The following MORC1 variants were observed in gnomAD, a reference collection of about 807,000 sequenced individuals.
MORC1 encodes the protein MORC family CW-type zinc finger protein 1.
A neutral mutation model predicts 134.9 loss-of-function variants in MORC1; 59 were observed. The observed-to-expected ratio is 0.44, with a 90% CI of 0.35 to 0.54. The LOEUF is 0.54. MORC1 is among the 20% of genes least tolerant of loss of function. The pLI, the probability that MORC1 is intolerant of heterozygous loss-of-function variation, is 0.00. For missense variants in MORC1, 947 were observed against 1,134.5 expected (o/e 0.83, Z 2.37); for synonymous variants, 395 against 391.7 (o/e 1.01, Z -0.10).
intron 8 of MORC1, among the ~76,000 whole-genome samples, chr3:109,086,829 G>A (rs1325528427): frequency 6.6e-6 from 1 of 151,996 alleles, no homozygotes; most frequent in Non-Finnish European, 1.5e-5. Flanking sequence ...AAATCTGGAT[G>A]AAAGATACAT....
intron 26 of MORC1, among the ~76,000 whole-genome samples, chr3:108,967,946 G>A (rs148951248): frequency 2.6e-5 from 4 of 152,132 alleles, no homozygotes; most frequent in African/African-American, 9.7e-5. Flanking sequence ...CATGACACTG[G>A]GATATTATCT....
intron 17 of MORC1, among the ~76,000 whole-genome samples, chr3:109,015,827 C>T (rs1948804450): frequency 6.6e-6 from 1 of 152,094 alleles, no homozygotes; most frequent in Non-Finnish European, 1.5e-5. Context: ...TCCATCTTTG[C>T]AGAAATTCCA....
intron 27 of MORC1, among the ~76,000 whole-genome samples, chr3:108,961,535 C>T (rs1253827641): frequency 6.6e-6 from 1 of 152,184 alleles, no homozygotes; most frequent in Non-Finnish European, 1.5e-5. Context: ...TCTCTATCTG[C>T]TCTGGGTCCC....
chr3:109,036,738 T>A (rs918868740), intron 14 of MORC1, among the ~76,000 whole-genome samples: 1 of 152,154 alleles, frequency 6.6e-6, no homozygotes, highest in Non-Finnish European at 1.5e-5. Context: ...TCTTCACAGT[T>A]GGGCTGGGCT....
chr3:108,998,713 T>A (rs532542659), intron 21 of MORC1, among the ~76,000 whole-genome samples: 74 of 152,288 alleles, frequency 4.9e-4, no homozygotes, highest in African/African-American at 1.7e-3. Context: ...CTTGAATTAT[T>A]GCAACTACAG....
chr3:109,114,163 AAC>A (rs1464013212), intron 2 of MORC1, among the ~76,000 whole-genome samples: 1 of 152,252 alleles, frequency 6.6e-6, no homozygotes, highest in Non-Finnish European at 1.5e-5. Context: ...TTAACATAAA[AAC>A]AGACTTCAAG....
chr3:109,022,859 C>T (rs2107584705), intron 17 of MORC1, among the ~76,000 whole-genome samples: 1 of 152,256 alleles, frequency 6.6e-6, no homozygotes, highest in Non-Finnish European at 1.5e-5. Context: ...GAGAAATAGT[C>T]CTTTATTTCA....
At chr3:109,040,874 C>CAAGAA (rs1484752145) in intron 14 of MORC1, among the ~76,000 whole-genome samples, 1 of 141,952 alleles carries the variant, frequency 7.0e-6, no homozygotes, top group African/African-American at 2.7e-5. Context: ...GTGAAAAAGT[C>CAAGAA]AAGAAAATGA....
At chr3:109,067,881 A>C (rs189624981) in intron 9 of MORC1, among the ~76,000 whole-genome samples, 39 of 152,310 alleles carry the variant, frequency 2.6e-4, no homozygotes, top group Admixed American at 5.9e-4. Context: ...TATGAGTGAT[A>C]GCAAGGCCCT....
At chr3:109,094,769 G>T in intron 7 of MORC1, 140 bp downstream of exon 7, 1 of 774,984 alleles carries the variant, frequency 1.3e-6, no homozygotes, top group Non-Finnish European at 1.9e-6. Context: ...AGCTCATATG[G>T]ATAAAATAAA....
At position 108,984,701 on chromosome 3, in the gene MORC1, C is replaced by T. The variant is rs2593959; in HGVS notation, c.2324+15G>A. The T allele has an allele frequency of 0.41, 638,095 of 1,563,432 alleles. 135,173 individuals are homozygous for T. Among genetic ancestry groups the T allele is most frequent in the Middle Eastern group, 0.56 (3,307 of 5,918 alleles). On this transcript the variant is annotated intron_variant, in intron 23 of 27. Coordinates refer to ENST00000232603, the MANE Select transcript of MORC1 (RefSeq NM_014429.4). ...TTGCACTCACTTGGAATTTGTATAA[C>T]TGTAGTACACTCACCTTTTCCAGCT...
At chr3:108,961,539 G>A (rs1465309196) in intron 27 of MORC1, among the ~76,000 whole-genome samples, 2 of 152,106 alleles carry the variant, frequency 1.3e-5, no homozygotes, top group Admixed American at 6.5e-5. Flanking sequence ...TATCTGCTCT[G>A]GGTCCCTCAT....
chr3:109,017,187 T>C (rs1044882740), intron 17 of MORC1, among the ~76,000 whole-genome samples: 11 of 152,194 alleles, frequency 7.2e-5, no homozygotes, highest in Non-Finnish European at 1.6e-4. Context: ...CTTTCTGTTA[T>C]AAGGCCCAAT....
At chr3:108,992,274 T>G (rs1948085245) in intron 21 of MORC1, among the ~76,000 whole-genome samples, 1 of 152,210 alleles carries the variant, frequency 6.6e-6, no homozygotes, top group African/African-American at 2.4e-5. Context: ...ATCTCTGCCA[T>G]GTAAATGTTC....
chr3:108,970,198 C>T (rs192004967), intron 25 of MORC1, among the ~76,000 whole-genome samples: 16 of 151,958 alleles, frequency 1.1e-4, no homozygotes, highest in African/African-American at 3.4e-4. Flanking sequence ...CAGGAATGAG[C>T]CTTCAGACAT....
rs142796805 is a variant in MORC1, at chr3:108,982,228, G to A, written c.2324+2488C>T. On this transcript the variant is annotated intron_variant, in intron 23 of 27. Coordinates refer to ENST00000232603, the MANE Select transcript of MORC1 (RefSeq NM_014429.4). ...ATACCATCTCACACCAGTTAGAATG[G>A]CGATCATTAAAAAGTCAGGAAACAA... Among the ~76,000 whole-genome samples the A allele has an allele frequency of 7.8e-3, 1,184 of 152,232 alleles. 11 individuals are homozygous for A. The highest frequency in any genetic ancestry group is 0.018 in the African/African-American group (727 of 41,530).
intron 17 of MORC1, among the ~76,000 whole-genome samples, chr3:109,023,351 C>T (rs1301719195): frequency 6.6e-6 from 1 of 152,134 alleles, no homozygotes; most frequent in Non-Finnish European, 1.5e-5. Context: ...GGGCTGTAGG[C>T]CAAGAAATGT....
At chr3:108,994,820 T>C (rs1576608881) in intron 21 of MORC1, among the ~76,000 whole-genome samples, 1 of 152,106 alleles carries the variant, frequency 6.6e-6, no homozygotes, top group East Asian at 1.9e-4. Flanking sequence ...AATTGATCAT[T>C]TGCTTTCCTG....
intron 8 of MORC1, among the ~76,000 whole-genome samples, chr3:109,081,845 A>G (rs763693279): frequency 1.1e-4 from 17 of 152,178 alleles, no homozygotes; most frequent in South Asian, 4.1e-4. Context: ...CAGTTTCTAT[A>G]CCAGAAAAAG....
Sources: gnomAD v4.1 joint callset for allele counts (sites outside exome capture counted in the v4.1 genomes callset) on GRCh38, gnomAD v4.1.1 for gene constraint, MANE v1.5 for transcripts, NCBI Gene and HGNC (gene_info 2026-07-23, HGNC 2026-07-21) for gene names.